Variants in RAI1 observed in about 807,000 individuals in gnomAD.
The protein encoded by RAI1 is retinoic acid induced 1.
A neutral mutation model predicts 123.8 loss-of-function variants in RAI1; 9 were observed. The ratio of observed to expected loss-of-function variants is 0.07; its 90% CI spans 0.04 to 0.13. The LOEUF (loss-of-function observed/expected upper bound fraction) is 0.13, where lower values mean the gene tolerates loss of function less well. RAI1 is among the 10% of genes least tolerant of loss of function. The pLI, the probability that RAI1 is intolerant of heterozygous loss-of-function variation, is 1.00. For synonymous variants in RAI1, 1,231 were observed against 1,127.3 expected (o/e 1.09, Z -1.84); for missense variants, 2,256 against 2,545.8 (o/e 0.89, Z 2.45).
intron 1 of RAI1, among the ~76,000 whole-genome samples, chr17:17,711,989 T>C (rs1023388001): frequency 1.3e-5 from 2 of 152,148 alleles, no homozygotes; most frequent in African/African-American, 4.8e-5. Context: ...AGCTGGAATT[T>C]GGATTTTTAT....
In RAI1 at chr17:17,811,167, A is replaced by C; in HGVS notation, c.*1186A>C. 3.3e-6 allele frequency: 1 copy of C among 300,488 alleles called. No homozygotes were observed. Among genetic ancestry groups the C allele is most frequent in the Non-Finnish European group, 6.6e-6 (1 of 152,218 alleles). 18.6% of individuals were successfully genotyped at this position (300,488 alleles called of 1,614,324 possible). A position where few individuals can be genotyped will look rare whatever the true frequency, so the allele number is the denominator to read the frequency against. ...GCAGCCCCCAGCCCAGGGCCGCCCT[A>C]GCAACTTCCTGTACATATGACTGTA... On this transcript the variant is annotated 3_prime_UTR_variant, in exon 6 of 6. Coordinates refer to ENST00000353383, the MANE Select transcript of RAI1 (RefSeq NM_030665.4).
chr17:17,809,841 C>G lies in RAI1; in HGVS notation c.5710-129C>G. 12 of 1,328,746 alleles carry G rather than the reference C, an allele frequency of 9.0e-6. No individual in the cohort carries two copies. The highest frequency in any genetic ancestry group is 1.3e-5 in the Non-Finnish European group (12 of 956,006). The allele number at this position is 1,328,746 out of a possible 1,614,324, so 82.3% of individuals were successfully genotyped here. A position where few individuals can be genotyped will look rare whatever the true frequency, so the allele number is the denominator to read the frequency against. On this transcript the variant is annotated intron_variant, in intron 5 of 5. Transcript: ENST00000353383. This position sits in a 1 kb window ranked among gnomAD's most constrained non-coding sequence, Gnocchi z 4.9. ...AAGGGGTGGTGCCGACGGCCTCGGG[C>G]GGAGACCCCAGCCGCGCTCTGGGGT...
Position 17,810,119 on chromosome 17 carries a change from C to T in RAI1, c.*138C>T. 2 of 1,259,066 alleles carry T rather than the reference C, an allele frequency of 1.6e-6. No individual in the cohort carries two copies. The highest frequency in any genetic ancestry group is 2.1e-6 in the Non-Finnish European group (2 of 937,334). 78.0% of individuals were successfully genotyped at this position (1,259,066 alleles called of 1,614,324 possible). A position where few individuals can be genotyped will look rare whatever the true frequency, so the allele number is the denominator to read the frequency against. On this transcript the variant is annotated 3_prime_UTR_variant, in exon 6 of 6. Transcript: ENST00000353383. This position sits in a 1 kb window ranked among gnomAD's most constrained non-coding sequence, Gnocchi z 4.6. ...CCAGAGCCGATCCTTGATCCGGGTC[C>T]CGGATCGTGGATCCGGCCGCCTAGG...
chr17:17,749,404 G>T (rs190079610), intron 2 of RAI1, among the ~76,000 whole-genome samples: 26 of 152,378 alleles, frequency 1.7e-4, no homozygotes, highest in African/African-American at 5.8e-4. Flanking sequence ...TCAGGCGGAG[G>T]TCTTTCTGCC....
In RAI1 at chr17:17,809,991, C is replaced by G. The variant is rs1329947776; in HGVS notation, c.*10C>G. On this transcript the variant is annotated 3_prime_UTR_variant, in exon 6 of 6. Coordinates refer to ENST00000353383, the MANE Select transcript of RAI1 (RefSeq NM_030665.4). The surrounding 1 kb of genome is among the most constrained non-coding windows in gnomAD (Gnocchi z 4.9). The stretch of plus-strand genomic sequence containing the variant: ...GCAGAGGCTGCCGTAGTAATCCACC[C>G]CAACGGCCGGAGGAGCCGCCGGAGC... 1.9e-6 allele frequency: 3 copies of G among 1,548,806 alleles called. No homozygotes were observed. In the East Asian group the frequency reaches 7.3e-5, roughly 38 times the overall value.
At chr17:17,698,089 G>A (rs1014903188) in intron 1 of RAI1, among the ~76,000 whole-genome samples, 1 of 152,204 alleles carries the variant, frequency 6.6e-6, no homozygotes, top group Non-Finnish European at 1.5e-5. Context: ...GGAGTTCGGT[G>A]GTCAAGGTGG....
chr17:17,743,867 G>A (rs1254240242), intron 2 of RAI1, among the ~76,000 whole-genome samples: 2 of 152,254 alleles, frequency 1.3e-5, no homozygotes, highest in Admixed American at 1.3e-4. Flanking sequence ...CTTTTAGGCT[G>A]CATGGAGCCC....
In RAI1 at chr17:17,797,271, C is replaced by T. The variant is rs1224151146; in HGVS notation, c.4323C>T (p.Ala1441=). 1 of 1,613,116 alleles carries T rather than the reference C, an allele frequency of 6.2e-7. No homozygotes were observed. The highest frequency in any genetic ancestry group is 2.2e-5 in the East Asian group (1 of 44,876). Residue 1441 remains alanine (A), a synonymous_variant, in exon 3 of 6, where the codon GCC becomes GCT. Coordinates refer to ENST00000353383, the MANE Select transcript of RAI1 (RefSeq NM_030665.4). ...AGGCCCTGCAGCCTGGGGGGACTGC[C>T]CTGGCGCCTAAGAAGAGGAGCCGGA... The part of the protein sequence containing the change: ...SPEALQPGGT[A]LAPKKRSRKG...
In RAI1 at chr17:17,801,961, G is replaced by C. The variant is rs1238142010; in HGVS notation, c.5566-1795G>C. ...GCCTGGCACATAGGAAGCTATTGTC[G>C]TTTGTTTCACTGGCTTCGCACTTGG... On this transcript the variant is annotated intron_variant, in intron 3 of 5. Transcript: ENST00000353383. The surrounding 1 kb of genome is among the most constrained non-coding windows in gnomAD (Gnocchi z 4.1). 2.3e-6 allele frequency: 1 copy of C among 428,246 alleles called. No individual in the cohort carries two copies. The highest frequency in any genetic ancestry group is 2.0e-5 in the African/African-American group (1 of 49,264). The allele number at this position is 428,246 out of a possible 1,614,324, so 26.5% of individuals were successfully genotyped here. A position where few individuals can be genotyped will look rare whatever the true frequency, so the allele number is the denominator to read the frequency against.
intron 1 of RAI1, among the ~76,000 whole-genome samples, chr17:17,700,778 G>T (rs1490671062): frequency 6.6e-6 from 1 of 152,062 alleles, no homozygotes; most frequent in African/African-American, 2.4e-5. Flanking sequence ...AGATCCGCTC[G>T]CCCGCTCCCC....
intron 1 of RAI1, among the ~76,000 whole-genome samples, chr17:17,701,406 C>T (rs1915219534): frequency 6.6e-6 from 1 of 152,160 alleles, no homozygotes; most frequent in South Asian, 2.1e-4. Flanking sequence ...TCCCTGTGCT[C>T]CTCCCCACCC....
chr17:17,721,520 G>A (rs1915879936), intron 1 of RAI1, among the ~76,000 whole-genome samples: 1 of 152,080 alleles, frequency 6.6e-6, no homozygotes, highest in Non-Finnish European at 1.5e-5. Context: ...ATGTGAGTGG[G>A]GCAACAGGCT....
chr17:17,792,462 A>T (rs1170571087), intron 2 of RAI1, among the ~76,000 whole-genome samples: 1 of 151,742 alleles, frequency 6.6e-6, no homozygotes, highest in Non-Finnish European at 1.5e-5. Flanking sequence ...AAATTACAGG[A>T]TCCAGCAGGC....
At position 17,681,774 on chromosome 17, in the gene RAI1, G is replaced by A. The variant is rs1360169890; in HGVS notation, c.-168G>A. 14 of 326,850 alleles carry A rather than the reference G, an allele frequency of 4.3e-5. No homozygotes were observed. The highest frequency in any genetic ancestry group is 3.2e-4 in the East Asian group (7 of 21,966). 20.2% of individuals were successfully genotyped at this position (326,850 alleles called of 1,614,324 possible). On this transcript the variant is annotated 5_prime_UTR_variant, in exon 1 of 6. Transcript: ENST00000353383. Reference sequence around the variant, plus strand: ...TCGCAGCGCCAGACCCAAGGCCCCCGAGTGAGCGCGGGCGCCGAGGTGAGC... The same window carrying A: ...TCGCAGCGCCAGACCCAAGGCCCCCAAGTGAGCGCGGGCGCCGAGGTGAGC...
intron 2 of RAI1, among the ~76,000 whole-genome samples, chr17:17,791,701 C>T (rs1033255961): frequency 2.6e-5 from 4 of 152,226 alleles, no homozygotes; most frequent in African/African-American, 9.6e-5. Flanking sequence ...AATGGCCAGC[C>T]CCTCCATGCA....
intron 1 of RAI1, chr17:17,682,389 G>A (rs1914462358): frequency 6.6e-6 from 1 of 151,868 alleles, no homozygotes; most frequent in South Asian, 2.1e-4. Context: ...AGGCCGGGCA[G>A]GAAGCGGCCC....
Position 17,686,037 on chromosome 17 carries a change from G to A in RAI1, c.-149+4244G>A, listed in dbSNP as rs146407709. Among the ~76,000 whole-genome samples, 120 of 152,316 alleles carry A rather than the reference G, an allele frequency of 7.9e-4. No individual in the cohort carries two copies. The Middle Eastern group carries it at 0.024, about 30-fold the overall frequency. On this transcript the variant is annotated intron_variant, in intron 1 of 5. Transcript: ENST00000353383. The stretch of plus-strand genomic sequence containing the variant: ...ATACTCGTGGCATAGCGTTTATCAC[G>A]GAATTATCGGCAATTCTGCCAGTGT...
chr17:17,725,845 G>T (rs892098295), intron 2 of RAI1, among the ~76,000 whole-genome samples: 18 of 152,144 alleles, frequency 1.2e-4, no homozygotes, highest in African/African-American at 4.3e-4. Flanking sequence ...GGGGGAGAGG[G>T]GAGGCACCTT....
At chr17:17,696,078 T>C (rs1408176088) in intron 1 of RAI1, among the ~76,000 whole-genome samples, 1 of 152,238 alleles carries the variant, frequency 6.6e-6, no homozygotes, top group Non-Finnish European at 1.5e-5. Flanking sequence ...CATTTTGTTC[T>C]TAGTGAAATT....
Sources: allele counts gnomAD v4.1 joint callset (sites outside exome capture counted in the v4.1 genomes callset), GRCh38; gene constraint gnomAD v4.1.1; non-coding constraint Gnocchi (gnomAD v3.1); transcripts MANE v1.5; gene names NCBI Gene and HGNC (gene_info 2026-07-23, HGNC 2026-07-21).